SLC49A3: variants seen among roughly 807,000 people sequenced by gnomAD.
The protein encoded by SLC49A3 is solute carrier family 49 member 3, also known as solute carrier family 49 member A3.
SLC49A3 carries 50 observed loss-of-function variants against 43.8 expected under a neutral mutation model. That is an observed-to-expected ratio of 1.14 (90% CI 0.91 to 1.45). The LOEUF is 1.45. Ranked by LOEUF, SLC49A3 falls within the 40% of genes most tolerant of loss-of-function variation. The pLI is 0.00. For missense variants in SLC49A3, 906 were observed against 774.1 expected, an observed-to-expected ratio of 1.17 and a Z score of -2.02; for synonymous variants, 413 against 352.0, an observed-to-expected ratio of 1.17 and a Z score of -1.94.
chr4:684,824 G>T lies in SLC49A3; in HGVS notation c.618C>A (p.Val206=). ...ACAGGCAGATGGTGGACAGCAGGCA[G>T]ACGACGCCAGCAGGGATGGTATAGA... ...LGVYTIPAGV[V]CLLSTICLWE... is the part of the protein sequence containing the mutation. Residue 206 remains valine (V), a synonymous_variant, in exon 5 of 10, where the codon GTC becomes GTA. Coordinates refer to ENST00000322224, the MANE Select transcript of SLC49A3 (RefSeq NM_032219.4). 1.2e-6 allele frequency: 2 copies of T among 1,612,508 alleles called. No individual in the cohort carries two copies. Among genetic ancestry groups the T allele is most frequent in the Non-Finnish European group, 1.7e-6 (2 of 1,179,882 alleles).
chr4:681,823 G>A, downstream of SLC49A3: 1 of 1,268,714 alleles, frequency 7.9e-7, no homozygotes, highest in East Asian at 3.0e-5. Flanking sequence ...CCACACCCGG[G>A]GCCGCTGCAG....
chr4:686,635 G>A lies in SLC49A3; in HGVS notation c.191C>T (p.Ser64Phe), dbSNP rs772618081. ...ADVIAEDLVL[S>F]MEQINWLSLV... Reference sequence around the variant, plus strand: ...TGACAGCCAGTTGATCTGCTCCATGGACAGGACCAAGTCCTCAGCAATGAC... The same window carrying A: ...TGACAGCCAGTTGATCTGCTCCATGAACAGGACCAAGTCCTCAGCAATGAC... Residue 64 changes from serine (S) to phenylalanine (F), a missense_variant, in exon 2 of 10, where the codon TCC becomes TTC. Coordinates refer to ENST00000322224, the MANE Select transcript of SLC49A3 (RefSeq NM_032219.4). 1.9e-6 allele frequency: 3 copies of A among 1,613,350 alleles called. No individual in the cohort carries two copies. The highest frequency in any genetic ancestry group is 2.5e-6 in the Non-Finnish European group (3 of 1,179,956).
chr4:680,695 C>T (rs1255177746), downstream of SLC49A3: 7 of 1,142,346 alleles, frequency 6.1e-6, no homozygotes, highest in East Asian at 2.4e-5. Context: ...ACCTCCCCAC[C>T]TCTGACCAGC....
At chr4:681,763 C>G (rs1240681328), downstream of SLC49A3, 1 of 1,183,822 alleles carries the variant, frequency 8.4e-7, no homozygotes, top group Non-Finnish European at 1.0e-6. Context: ...CAGCGCCGCC[C>G]TCACCCCGCA....
chr4:682,320 A>G lies in SLC49A3; in HGVS notation c.1318T>C (p.Phe440Leu). Residue 440 changes from phenylalanine (F) to leucine (L), a missense_variant, in exon 10 of 10, where the codon TTC (phenylalanine) becomes CTC (leucine). Phe to Leu is a conservative substitution (Grantham distance 22). Coordinates refer to ENST00000322224, the MANE Select transcript of SLC49A3 (RefSeq NM_032219.4). ...CTFFSCILAVFFHTPYRRLQA... is the reference protein window; with the variant it reads ...CTFFSCILAVLFHTPYRRLQA... ...AGGCGCCGGTATGGGGTGTGGAAGA[A>G]GACCGCCAGGATGCAGCTGAAGAAG... The G allele has an allele frequency of 3.7e-6, 5 of 1,349,566 alleles. No homozygotes were observed. The highest frequency in any genetic ancestry group is 4.8e-6 in the Non-Finnish European group (5 of 1,040,648). 83.6% of individuals were successfully genotyped at this position (1,349,566 alleles called of 1,614,324 possible).
chr4:689,160 C>T, upstream of SLC49A3: 1 of 1,283,758 alleles, frequency 7.8e-7, no homozygotes, highest in South Asian at 2.5e-5. Context: ...CCGCCGGTCC[C>T]GCCGGCCGCC....
At chr4:681,760 G>A (rs185374308), downstream of SLC49A3, 666 of 1,103,260 alleles carry the variant, frequency 6.0e-4, 8 homozygotes, top group African/African-American at 0.011. Flanking sequence ...CTCCAGCGCC[G>A]CCCTCACCCC....
chr4:680,593 T>C, downstream of SLC49A3: 1 of 1,611,896 alleles, frequency 6.2e-7, no homozygotes, highest in Non-Finnish European at 8.5e-7. Context: ...GAGTAGTGAG[T>C]GCCCGGGCGG....
chr4:683,385 G>A lies in SLC49A3; in HGVS notation c.994-18C>T, dbSNP rs745392293. ...TGGGACACCTGGGAGCAGCGGAACGGCAGGCAGACAGGTGGAGGGGGTGGC... is the reference window on the plus strand; with the variant it reads ...TGGGACACCTGGGAGCAGCGGAACGACAGGCAGACAGGTGGAGGGGGTGGC... On this transcript the variant is annotated intron_variant, in intron 7 of 9. Coordinates refer to ENST00000322224, the MANE Select transcript of SLC49A3 (RefSeq NM_032219.4). The A allele has an allele frequency of 6.2e-7, 1 of 1,602,958 alleles. No individual in the cohort carries two copies. Among genetic ancestry groups the A allele is most frequent in the Admixed American group, 1.7e-5 (1 of 58,864 alleles).
chr4:687,663 C>G (rs1310877067), intron 1 of SLC49A3, among the ~76,000 whole-genome samples: 2 of 152,206 alleles, frequency 1.3e-5, no homozygotes, highest in African/African-American at 4.8e-5. Context: ...TGCGGGGCAA[C>G]GTGGGAGGAC....
rs750707224 is a variant in SLC49A3 at position 684,809 on chromosome 4, G to A, written c.633C>T (p.Thr211=). 1.2e-6 allele frequency: 2 copies of A among 1,612,592 alleles called. No individual in the cohort carries two copies. The highest frequency in any genetic ancestry group is 3.3e-5 in the Admixed American group (2 of 59,968). ...GGGGCACACTCTCCCACAGGCAGAT[G>A]GTGGACAGCAGGCAGACGACGCCAG... ...IPAGVVCLLS[T]ICLWESVPPT... The change falls in exon 5 of 10, where the codon ACC becomes ACT. Residue 211 remains threonine, a synonymous_variant. Coordinates refer to ENST00000322224, the MANE Select transcript of SLC49A3 (RefSeq NM_032219.4).
rs557205501 is a variant in SLC49A3, at chr4:683,194, G to C, written c.1151+16C>G. On this transcript the variant is annotated intron_variant, in intron 8 of 9. Transcript: ENST00000322224. ...GAGTATCTCTGGGGTTGCAGCAGGG[G>C]CAGATGGACACTCACCCCAGCACAA... 36 of 1,612,668 alleles carry C rather than the reference G, an allele frequency of 2.2e-5. No individual in the cohort carries two copies. Among genetic ancestry groups the C allele is most frequent in the Non-Finnish European group, 3.1e-5 (36 of 1,179,852 alleles).
chr4:682,168 C>T lies in SLC49A3; in HGVS notation c.1470G>A (p.Glu490=). 7.4e-7 allele frequency: 1 copy of T among 1,353,658 alleles called. No homozygotes were observed. The highest frequency in any genetic ancestry group is 1.8e-5 in the South Asian group (1 of 56,288). The allele number at this position is 1,353,658 out of a possible 1,614,324, so 83.9% of individuals were successfully genotyped here. A position where few individuals can be genotyped will look rare whatever the true frequency, so the allele number is the denominator to read the frequency against. The change falls in exon 10 of 10, where the codon GAG becomes GAA. Residue 490 remains glutamate, a synonymous_variant. Transcript: ENST00000322224. ...GVLGPSTATP[E]CTARGASLED... is the part of the protein sequence containing the mutation. ...CTAGCGAGGCCCCCCTCGCCGTGCA[C>T]TCCGGAGTCGCCGTGCTGGGCCCCA...
chr4:682,128 G>C lies in SLC49A3; in HGVS notation c.1510C>G (p.Pro504Ala). The C allele has an allele frequency of 7.4e-7, 1 of 1,346,638 alleles. No individual in the cohort carries two copies. Among genetic ancestry groups the C allele is most frequent in the South Asian group, 1.9e-5 (1 of 53,662 alleles). The allele number at this position is 1,346,638 out of a possible 1,614,324, so 83.4% of individuals were successfully genotyped here. Residue 504 changes from proline to alanine, a missense_variant, in exon 10 of 10, where the codon CCC (proline) becomes GCC (alanine). Pro to Ala is a conservative substitution (Grantham distance 27, BLOSUM62 -1). Coordinates refer to ENST00000322224, the MANE Select transcript of SLC49A3 (RefSeq NM_032219.4). ...TGGCAGGCTGGGTGGGGGCTCCCGG[G>C]CCCTCTGGGGTCCTCTAGCGAGGCC... is the stretch of plus-strand genomic sequence containing the variant. ...RGASLEDPRGPGSPHPACHRA... is the reference protein window; with the variant it reads ...RGASLEDPRGAGSPHPACHRA...
At position 682,900 on chromosome 4, in the gene SLC49A3, C is replaced by T. The variant is rs778264473; in HGVS notation, c.1152-10G>A. On this transcript the variant is annotated splice_polypyrimidine_tract_variant and intron_variant, in intron 8 of 9. Coordinates refer to ENST00000322224, the MANE Select transcript of SLC49A3 (RefSeq NM_032219.4). ...TATTCCCTCGGCCTGCCTGGACACA[C>T]GTGGCCCTCAGCCCCCGCTGCACTG... is the stretch of plus-strand genomic sequence containing the variant. 62 of 1,577,110 alleles carry T rather than the reference C, an allele frequency of 3.9e-5. No individual in the cohort carries two copies. The highest frequency in any genetic ancestry group is 1.4e-4 in the South Asian group (12 of 88,156).
At chr4:682,632 T>C (rs111618886) in intron 9 of SLC49A3, 149 bp downstream of exon 9, 4 of 647,366 alleles carry the variant, frequency 6.2e-6, no homozygotes, top group African/African-American at 3.7e-5. Flanking sequence ...CTGGCTCACC[T>C]GTCCTATTGC....
chr4:688,614 G>A (rs1347680077), intron 1 of SLC49A3, among the ~76,000 whole-genome samples: 2 of 152,182 alleles, frequency 1.3e-5, no homozygotes, highest in South Asian at 2.1e-4. Flanking sequence ...AGGGGAGGGC[G>A]GCTCCAAGCG....
At position 683,314 on chromosome 4, in the gene SLC49A3, G is replaced by T. The variant is rs61031375; in HGVS notation, c.1047C>A (p.Leu349=). Residue 349 remains leucine (L), a synonymous_variant, in exon 8 of 10, where the codon CTC becomes CTA. Coordinates refer to ENST00000322224, the MANE Select transcript of SLC49A3 (RefSeq NM_032219.4). The part of the protein sequence containing the change: ...TLALAATCSL[L]GLFGFSVGPV... ...GGCCCACCGAGAAGCCAAACAGCCCGAGCAGCGAGCAGGTGGCAGCCAGGG... is the reference window on the plus strand; with the variant it reads ...GGCCCACCGAGAAGCCAAACAGCCCTAGCAGCGAGCAGGTGGCAGCCAGGG... The T allele has an allele frequency of 2.9e-5, 46 of 1,612,374 alleles. No homozygotes were observed. The highest frequency in any genetic ancestry group is 3.7e-5 in the Non-Finnish European group (44 of 1,179,774).
intron 1 of SLC49A3, 65 bp from the exon 2 acceptor site, chr4:686,755 G>A: frequency 6.4e-7 from 1 of 1,557,948 alleles, no homozygotes; most frequent in Non-Finnish European, 8.7e-7. Flanking sequence ...TGTGGCCCCA[G>A]CCAGCCCGAG....
Sources: allele counts gnomAD v4.1 joint callset (sites outside exome capture counted in the v4.1 genomes callset), GRCh38; gene constraint gnomAD v4.1.1; transcripts MANE v1.5; gene names NCBI Gene and HGNC (gene_info 2026-07-23, HGNC 2026-07-21).